SLC22A25: variants seen among roughly 807,000 people sequenced by gnomAD.
SLC22A25 encodes the protein solute carrier family 22 member 25.
In SLC22A25, 44 loss-of-function variants were observed where a neutral mutation model predicts 45.9. The ratio of observed to expected loss-of-function variants is 0.96; its 90% CI spans 0.75 to 1.23. The LOEUF (loss-of-function observed/expected upper bound fraction) is 1.23. SLC22A25 is among the 50% of genes most tolerant of loss of function. The pLI is 0.00. For synonymous variants in SLC22A25, 283 were observed against 238.6 expected, an observed-to-expected ratio of 1.19 and a Z score of -1.72; for missense variants, 800 against 666.4, an observed-to-expected ratio of 1.20 and a Z score of -2.21.
At chr11:63,189,573 T>C (rs1008083390) in intron 7 of SLC22A25, among the ~76,000 whole-genome samples, 20 of 152,182 alleles carry the variant, frequency 1.3e-4, no homozygotes, top group Non-Finnish European at 1.2e-4. Context: ...ATGTGTGAAT[T>C]TGATCTTGTT....
At chr11:63,194,890 C>CAAAAAAAAAAAAAAAAAAAAAAAAA (rs796301840) in intron 7 of SLC22A25, among the ~76,000 whole-genome samples, 6 of 34,654 alleles carry the variant, frequency 1.7e-4, no homozygotes, top group Non-Finnish European at 2.5e-4. Context: ...AAATGGAAAG[C>CAAAAAAAAAAAAAAAAAAAAAAAAA]AAAAAAAAAA....
intron 7 of SLC22A25, among the ~76,000 whole-genome samples, chr11:63,200,260 A>T (rs970259925): frequency 1.3e-5 from 2 of 150,718 alleles, no homozygotes; most frequent in Non-Finnish European, 2.9e-5. Flanking sequence ...TCCTTAAAAA[A>T]TTACTGGTAA....
intron 3 of SLC22A25, among the ~76,000 whole-genome samples, chr11:63,232,046 T>G (rs373824635): frequency 4.6e-5 from 7 of 152,202 alleles, no homozygotes; most frequent in South Asian, 4.1e-4. Context: ...CCTTGTAGTA[T>G]AGTTTGAAGT....
intron 5 of SLC22A25, among the ~76,000 whole-genome samples, chr11:63,224,210 T>G (rs1474172989): frequency 1.3e-5 from 2 of 152,090 alleles, no homozygotes; most frequent in Admixed American, 1.3e-4. Context: ...CTTTTTACGT[T>G]TTTTTGTCTT....
At chr11:63,173,357 A>C (rs951565006) in intron 9 of SLC22A25, among the ~76,000 whole-genome samples, 1 of 152,210 alleles carries the variant, frequency 6.6e-6, no homozygotes, top group African/African-American at 2.4e-5. Flanking sequence ...TATGTTCTGC[A>C]CATGTATCCC....
At chr11:63,212,907 ATTTGT>A (rs1221026493) in intron 7 of SLC22A25, among the ~76,000 whole-genome samples, 5 of 152,044 alleles carry the variant, frequency 3.3e-5, no homozygotes, top group African/African-American at 1.2e-4. Context: ...TACATTGATG[ATTTGT>A]TATTCACTGT....
chr11:63,175,616 G>A (rs997979481), intron 9 of SLC22A25, among the ~76,000 whole-genome samples: 1 of 151,816 alleles, frequency 6.6e-6, no homozygotes, highest in Non-Finnish European at 1.5e-5. Flanking sequence ...TGTCCTATTT[G>A]TATATTTTTC....
At chr11:63,164,177 A>T in intron 11 of SLC22A25, 104 bp from the exon 12 acceptor site, 1 of 1,403,306 alleles carries the variant, frequency 7.1e-7, no homozygotes, top group Non-Finnish European at 9.6e-7. Context: ...AAACACATGG[A>T]GGTGATAACA....
At chr11:63,213,499 C>T (rs557055726) in intron 7 of SLC22A25, among the ~76,000 whole-genome samples, 22 of 152,268 alleles carry the variant, frequency 1.4e-4, no homozygotes, top group Admixed American at 4.6e-4. Context: ...ATAGAAGATG[C>T]CAACAAGCTA....
chr11:63,200,757 C>G (rs935268698), intron 7 of SLC22A25, among the ~76,000 whole-genome samples: 34 of 152,062 alleles, frequency 2.2e-4, no homozygotes, highest in African/African-American at 8.0e-4. Context: ...TCAAGAAAAC[C>G]CCATAGTCTC....
rs2089809399 is a variant in SLC22A25, at chr11:63,219,840, G to T, written c.507-2105C>A. 1.4e-5 allele frequency: 15 copies of T among 1,048,634 alleles called. No homozygotes were observed. The South Asian group carries it at 1.7e-4, about 12-fold the overall frequency. 65.0% of individuals were successfully genotyped at this position (1,048,634 alleles called of 1,614,324 possible). ...CTCATGGCACTGTCCCAGAGAGCTGGGTTACTGGACTGTTGGAAATCAACC... is the reference window on the plus strand; with the variant it reads ...CTCATGGCACTGTCCCAGAGAGCTGTGTTACTGGACTGTTGGAAATCAACC... On this transcript the variant is annotated intron_variant, in intron 5 of 11. Coordinates refer to ENST00000306494, the MANE Select transcript of SLC22A25 (RefSeq NM_199352.6).
intron 9 of SLC22A25, 162 bp from the exon 10 acceptor site, chr11:63,166,420 A>C (rs2087687501): frequency 1.4e-6 from 2 of 1,438,222 alleles, no homozygotes; most frequent in Non-Finnish European, 1.8e-6. Context: ...AAGTTATCAT[A>C]AAATAATGGT....
chr11:63,194,032 G>T (rs2088911314), intron 7 of SLC22A25, among the ~76,000 whole-genome samples: 1 of 152,186 alleles, frequency 6.6e-6, no homozygotes, highest in Non-Finnish European at 1.5e-5. Flanking sequence ...TGCTTCAGTA[G>T]CCAATTCGAT....
At chr11:63,190,395 T>C (rs1421227254) in intron 7 of SLC22A25, among the ~76,000 whole-genome samples, 2 of 152,228 alleles carry the variant, frequency 1.3e-5, no homozygotes, top group African/African-American at 4.8e-5. Context: ...TTCAGCTCCA[T>C]CAAGTCCTTT....
chr11:63,166,318 G>A, intron 9 of SLC22A25, 60 bp from the exon 10 acceptor site: 1 of 1,582,532 alleles, frequency 6.3e-7, no homozygotes, highest in Non-Finnish European at 8.6e-7. Flanking sequence ...TCCTACAAAT[G>A]AGAATAATAT....
intron 7 of SLC22A25, among the ~76,000 whole-genome samples, chr11:63,196,185 C>T (rs949934037): frequency 1.3e-5 from 2 of 152,158 alleles, no homozygotes; most frequent in Non-Finnish European, 2.9e-5. Context: ...CAAAGAGGAG[C>T]TGGTACCATT....
chr11:63,165,506 G>A (rs1340102129), intron 10 of SLC22A25, among the ~76,000 whole-genome samples: 6 of 152,188 alleles, frequency 3.9e-5, no homozygotes, highest in Non-Finnish European at 1.5e-5. Flanking sequence ...GGACATTTCT[G>A]TACATAAAGA....
chr11:63,200,013 C>T (rs2089188367), intron 7 of SLC22A25, among the ~76,000 whole-genome samples: 1 of 151,876 alleles, frequency 6.6e-6, no homozygotes, highest in Admixed American at 6.6e-5. Context: ...GTTTGTTTCT[C>T]ACACATAACA....
Position 63,178,305 on chromosome 11 carries a change from G to A in SLC22A25, c.1070+2355C>T, listed in dbSNP as rs114887999. On this transcript the variant is annotated intron_variant, in intron 9 of 11. Transcript: ENST00000306494. ...AGAAGTGCAGATATCTCTTCAATAT[G>A]CTGATTTTCTACCTTTGCATATATA... 7.2e-3 allele frequency among the ~76,000 whole-genome samples: 1,096 copies of A among 152,202 alleles called. 8 individuals carry two copies. Among genetic ancestry groups the A allele is most frequent in the African/African-American group, 0.024 (1,005 of 41,560 alleles).
Sources: allele counts gnomAD v4.1 joint callset (sites outside exome capture counted in the v4.1 genomes callset), GRCh38; gene constraint gnomAD v4.1.1; transcripts MANE v1.5; gene names NCBI Gene and HGNC (gene_info 2026-07-23, HGNC 2026-07-21).